The following ZWILCH variants were observed in gnomAD, a reference collection of about 807,000 sequenced individuals.
ZWILCH encodes the protein protein zwilch homolog.
Under a neutral mutation model 79.9 loss-of-function variants are expected in ZWILCH, and 74 were observed. That is an observed-to-expected ratio of 0.93 (90% confidence interval 0.77 to 1.12). The LOEUF is 1.12. Ranked by LOEUF, ZWILCH falls within the 50% of genes most tolerant of loss-of-function variation. The probability of loss-of-function intolerance (pLI) is 0.00; values close to 1 mark genes in which losing one functional copy is unlikely to be tolerated. For synonymous variants in ZWILCH, 241 were observed against 228.2 expected (o/e 1.06, Z -0.51); for missense variants, 694 against 687.5 (o/e 1.01, Z -0.11).
In ZWILCH at chr15:66,520,586, A is replaced by G. The variant is rs756013592; in HGVS notation, c.521-4A>G. 2.5e-5 allele frequency: 35 copies of G among 1,425,170 alleles called. No individual in the cohort carries two copies. The highest frequency in any genetic ancestry group is 5.5e-5 in the Admixed American group (3 of 54,956). The allele number at this position is 1,425,170 out of a possible 1,614,324, so 88.3% of individuals were successfully genotyped here. A position where few individuals can be genotyped will look rare whatever the true frequency, so the allele number is the denominator to read the frequency against. Reference sequence around the variant, plus strand: ...TTTACATTTCTTTCTTTCATTTCCTATAGCTGATAAAAATTATTCTGTAAA... The same window carrying G: ...TTTACATTTCTTTCTTTCATTTCCTGTAGCTGATAAAAATTATTCTGTAAA... On this transcript the variant is annotated splice_region_variant and splice_polypyrimidine_tract_variant and intron_variant, in intron 5 of 18. Coordinates refer to ENST00000307897, the MANE Select transcript of ZWILCH (RefSeq NM_017975.5).
Position 66,535,413 on chromosome 15 carries a change from C to T in ZWILCH, c.1342-520C>T, listed in dbSNP as rs527654138. Among the ~76,000 whole-genome samples, 8 of 152,218 alleles carry T rather than the reference C, an allele frequency of 5.3e-5. No homozygotes were observed. In the South Asian group the frequency reaches 6.2e-4, roughly 12 times the overall value. On this transcript the variant is annotated intron_variant, in intron 14 of 18. Transcript: ENST00000307897. Reference sequence around the variant, plus strand: ...ACTGTAGGCCGGGCGCGGTGGTTTACGCCTGTAATCCCAGCACTTGGGGAG... The same window carrying T: ...ACTGTAGGCCGGGCGCGGTGGTTTATGCCTGTAATCCCAGCACTTGGGGAG...
At chr15:66,505,569 G>A (rs1044630690) in intron 1 of ZWILCH, 178 bp downstream of exon 1, 21 of 658,390 alleles carry the variant, frequency 3.2e-5, no homozygotes, top group Middle Eastern at 3.3e-4. Context: ...GACCGTGTGG[G>A]AGCTTGCTTG....
At chr15:66,521,892 T>A (rs199866519) in intron 7 of ZWILCH, among the ~76,000 whole-genome samples, 1 of 152,160 alleles carries the variant, frequency 6.6e-6, no homozygotes, top group East Asian at 1.9e-4. Context: ...TTTCTAGGAA[T>A]CTGTCTTAAG....
In ZWILCH at chr15:66,527,905, A is replaced by T; in HGVS notation, c.962A>T (p.Glu321Val). Residue 321 changes from glutamate to valine, a missense_variant, in exon 10 of 19, where the codon GAG (glutamate) becomes GTG (valine). Transcript: ENST00000307897. ...GFGDSTKKDT[E>V]VETLKHDTAA... ...GGTGATTCTACAAAAAAAGACACTG[A>T]GGTTGAGGTAAGTGATTATTATCAG... 1 of 1,599,958 alleles carries T rather than the reference A, an allele frequency of 6.3e-7. No individual in the cohort carries two copies. Among genetic ancestry groups the T allele is most frequent in the Non-Finnish European group, 8.5e-7 (1 of 1,176,588 alleles).
At chr15:66,510,519 C>G (rs914517750) in intron 2 of ZWILCH, among the ~76,000 whole-genome samples, 3 of 152,114 alleles carry the variant, frequency 2.0e-5, no homozygotes, top group African/African-American at 7.2e-5. Flanking sequence ...ACTAGCCAAA[C>G]TCAAGAATCA....
At chr15:66,540,317 CG>C (rs1895153919) in intron 17 of ZWILCH, 107 bp downstream of exon 17, 2 of 803,830 alleles carry the variant, frequency 2.5e-6, no homozygotes, top group African/African-American at 1.8e-5. Context: ...TTTGGGAGGC[CG>C]GGGTGGGCAG....
chr15:66,511,378 C>G (rs1321722194), intron 2 of ZWILCH, among the ~76,000 whole-genome samples: 3 of 151,518 alleles, frequency 2.0e-5, no homozygotes, highest in African/African-American at 4.9e-5. Flanking sequence ...GTCCCAGCTA[C>G]TACTACTGGG....
At chr15:66,527,237 A>G in intron 8 of ZWILCH, 53 bp from the exon 9 acceptor site, 1 of 1,253,262 alleles carries the variant, frequency 8.0e-7, no homozygotes, top group Non-Finnish European at 1.2e-6. Context: ...ATCCTTATTG[A>G]TTAAACAGTG....
intron 7 of ZWILCH, among the ~76,000 whole-genome samples, chr15:66,522,913 C>G (rs1318029401): frequency 6.6e-6 from 1 of 152,108 alleles, no homozygotes; most frequent in African/African-American, 2.4e-5. Flanking sequence ...ACCTCTGCCT[C>G]CCAGGTTCAA....
In ZWILCH at chr15:66,536,021, G is replaced by T; in HGVS notation, c.1430G>T (p.Cys477Phe). The change falls in exon 15 of 19, where the codon TGC (cysteine) becomes TTC (phenylalanine). Residue 477 changes from cysteine (C) to phenylalanine (F), a missense_variant. Cys to Phe is a radical substitution (Grantham distance 205). Coordinates refer to ENST00000307897, the MANE Select transcript of ZWILCH (RefSeq NM_017975.5). The part of the protein sequence containing the change: ...LHHILEILVS[C>F]MPFIKSQHEL... ...CATATTCTAGAAATATTAGTCAGTTGCATGCCTTTCATTAAATCTCAACAT... is the reference window on the plus strand; with the variant it reads ...CATATTCTAGAAATATTAGTCAGTTTCATGCCTTTCATTAAATCTCAACAT... The T allele has an allele frequency of 9.9e-6, 16 of 1,612,412 alleles. No homozygotes were observed. The highest frequency in any genetic ancestry group is 1.4e-5 in the Non-Finnish European group (16 of 1,179,406).
At chr15:66,529,345 T>G in intron 11 of ZWILCH, 149 bp from the exon 12 acceptor site, 1 of 549,280 alleles carries the variant, frequency 1.8e-6, no homozygotes, top group African/African-American at 1.9e-5. Flanking sequence ...AATCTTTTTT[T>G]TTTTTGCCAC....
intron 1 of ZWILCH, among the ~76,000 whole-genome samples, chr15:66,506,033 TC>T (rs1407016218): frequency 6.6e-6 from 1 of 152,194 alleles, no homozygotes; most frequent in East Asian, 1.9e-4. Context: ...GGGCCCCACT[TC>T]CAGGGTTTCT....
rs200280405 is a variant in ZWILCH at position 66,532,235 on chromosome 15, C to T, written c.1156-12C>T. On this transcript the variant is annotated splice_polypyrimidine_tract_variant and intron_variant, in intron 12 of 18. Coordinates refer to ENST00000307897, the MANE Select transcript of ZWILCH (RefSeq NM_017975.5). ...TTTATTCATGGTTTTATAAAATTTTCCTGATTTCTAGCTCCATAGTGGAAG... is the reference window on the plus strand; with the variant it reads ...TTTATTCATGGTTTTATAAAATTTTTCTGATTTCTAGCTCCATAGTGGAAG... 1.4e-4 allele frequency: 222 copies of T among 1,547,248 alleles called. No homozygotes were observed. Among genetic ancestry groups the T allele is most frequent in the Admixed American group, 5.3e-4 (24 of 45,712 alleles).
rs567063982 is a variant in ZWILCH at position 66,509,025 on chromosome 15, C to T, written c.105+133C>T. On this transcript the variant is annotated intron_variant, in intron 2 of 18. Transcript: ENST00000307897. ...CGCGATCTCGGCTCACTGCAAGCTC[C>T]GGCTCCCGGGTTCACGCCATTCTCC... The T allele has an allele frequency of 1.3e-3, 1,194 of 892,058 alleles. 4 individuals carry two copies. Among genetic ancestry groups the T allele is most frequent in the Non-Finnish European group, 1.6e-3 (991 of 604,988 alleles). 55.3% of individuals were successfully genotyped at this position (892,058 alleles called of 1,614,324 possible).
Position 66,532,305 on chromosome 15 carries a change from C to G in ZWILCH, c.1214C>G (p.Thr405Ser). The G allele has an allele frequency of 6.2e-7, 1 of 1,612,194 alleles. No individual in the cohort carries two copies. The highest frequency in any genetic ancestry group is 8.5e-7 in the Non-Finnish European group (1 of 1,179,206). Reference protein sequence around the residue: ...SKLIHQSYHGTMDTVSLSGTI... With the variant: ...SKLIHQSYHGSMDTVSLSGTI... ...CTCATTCATCAGTCTTATCATGGAA[C>G]CATGGACACAGTTTCTCTCAGTGGG... is the stretch of plus-strand genomic sequence containing the variant. Residue 405 changes from threonine (T) to serine (S), a missense_variant, in exon 13 of 19, where the codon ACC becomes AGC. Coordinates refer to ENST00000307897, the MANE Select transcript of ZWILCH (RefSeq NM_017975.5).
chr15:66,545,722 C>T (rs1016379473), intron 17 of ZWILCH, among the ~76,000 whole-genome samples: 1 of 152,090 alleles, frequency 6.6e-6, no homozygotes, highest in Non-Finnish European at 1.5e-5. Flanking sequence ...TCTTTTATCC[C>T]CAAAGCAAGA....
intron 2 of ZWILCH, among the ~76,000 whole-genome samples, chr15:66,509,239 C>T (rs959778386): frequency 1.4e-4 from 21 of 152,132 alleles, no homozygotes; most frequent in African/African-American, 4.3e-4. Context: ...CGCGCCCGGC[C>T]GAACTTCTGA....
chr15:66,529,558 T>C lies in ZWILCH; in HGVS notation c.1140T>C (p.Gly380=), dbSNP rs762223584. The change falls in exon 12 of 19, where the codon GGT becomes GGC. Residue 380 remains glycine, a synonymous_variant. Coordinates refer to ENST00000307897, the MANE Select transcript of ZWILCH (RefSeq NM_017975.5). ...FTLIIQSLQR[G]DIQPWLHSGS... ...TGATCATCCAGAGTCTACAACGTGG[T>C]GATATACAGCCATGGGTAGGTTTAG... 1 of 1,613,708 alleles carries C rather than the reference T, an allele frequency of 6.2e-7. No individual in the cohort carries two copies. Among genetic ancestry groups the C allele is most frequent in the South Asian group, 1.1e-5 (1 of 91,060 alleles).
At chr15:66,528,562 T>G (rs1894755303) in intron 10 of ZWILCH, among the ~76,000 whole-genome samples, 1 of 152,122 alleles carries the variant, frequency 6.6e-6, no homozygotes, top group African/African-American at 2.4e-5. Context: ...ACTAGATATA[T>G]TCTCATCTGA....
Sources: allele counts gnomAD v4.1 joint callset (sites outside exome capture counted in the v4.1 genomes callset), GRCh38; gene constraint gnomAD v4.1.1; transcripts MANE v1.5; gene names NCBI Gene and HGNC (gene_info 2026-07-23, HGNC 2026-07-21).